SBNO2: variants seen among roughly 807,000 people sequenced by gnomAD.
The protein encoded by SBNO2 is protein strawberry notch homolog 2.
A neutral mutation model predicts 146.3 loss-of-function variants in SBNO2; 89 were observed. The observed-to-expected ratio is 0.61, with a 90% CI of 0.51 to 0.73. The LOEUF (loss-of-function observed/expected upper bound fraction) is 0.73. Among genes scored for constraint, SBNO2 ranks in the 30% least tolerant of loss-of-function variants. SBNO2 has a pLI of 0.00. For missense variants in SBNO2, 2,092 were observed against 2,003.7 expected, an observed-to-expected ratio of 1.04 and a Z score of -0.84; for synonymous variants, 1,147 against 892.6, an observed-to-expected ratio of 1.29 and a Z score of -5.08.
At chr19:1,123,364 C>T (rs933449787) in intron 7 of SBNO2, among the ~76,000 whole-genome samples, 170 bp downstream of exon 7, 2 of 152,144 alleles carry the variant, frequency 1.3e-5, no homozygotes, top group African/African-American at 2.4e-5. Flanking sequence ...CCTCTGCGAA[C>T]CCCGGTTTTG....
Position 1,108,656 on chromosome 19 carries a change from C to A in SBNO2, c.3665G>T (p.Arg1222Leu), listed in dbSNP as rs1247021415. ...GCGCTTCACGTCCGCATCCATCAGCCGCAGCTCCTGCAGCACCCGGCGCAC... is the reference window on the plus strand; with the variant it reads ...GCGCTTCACGTCCGCATCCATCAGCAGCAGCTCCTGCAGCACCCGGCGCAC... ...GCVRRVLQELRLMDADVKRRQ... is the reference protein window; with the variant it reads ...GCVRRVLQELLLMDADVKRRQ... Residue 1222 changes from arginine to leucine, a missense_variant, in exon 32 of 32, where the codon CGG (arginine) becomes CTG (leucine). Arg to Leu is a moderately radical substitution (Grantham distance 102). Coordinates refer to ENST00000361757, the MANE Select transcript of SBNO2 (RefSeq NM_014963.3). The A allele has an allele frequency of 1.3e-6, 2 of 1,519,736 alleles. No individual in the cohort carries two copies. Among genetic ancestry groups the A allele is most frequent in the Non-Finnish European group, 1.8e-6 (2 of 1,141,426 alleles). 94.1% of individuals were successfully genotyped at this position (1,519,736 alleles called of 1,614,324 possible).
At position 1,108,142 on chromosome 19, in the gene SBNO2, C is replaced by T. The variant is rs2079694422; in HGVS notation, c.*78G>A. ...CTCCTCTGAGCAGTGGTCAGGGGACCTTGGCCCTGCTCCCCACCGCTGCTC... is the reference window on the plus strand; with the variant it reads ...CTCCTCTGAGCAGTGGTCAGGGGACTTTGGCCCTGCTCCCCACCGCTGCTC... On this transcript the variant is annotated 3_prime_UTR_variant, in exon 32 of 32. Coordinates refer to ENST00000361757, the MANE Select transcript of SBNO2 (RefSeq NM_014963.3). 19 of 1,404,450 alleles carry T rather than the reference C, an allele frequency of 1.4e-5. No homozygotes were observed. Among genetic ancestry groups the T allele is most frequent in the Non-Finnish European group, 1.7e-5 (18 of 1,062,518 alleles). 87.0% of individuals were successfully genotyped at this position (1,404,450 alleles called of 1,614,324 possible). A position where few individuals can be genotyped will look rare whatever the true frequency, so the allele number is the denominator to read the frequency against.
At chr19:1,171,948 G>A (rs1286769677) in intron 1 of SBNO2, among the ~76,000 whole-genome samples, 1 of 152,258 alleles carries the variant, frequency 6.6e-6, no homozygotes, top group South Asian at 2.1e-4. Context: ...ATGGATGAAC[G>A]GAGAGGCCAG....
At chr19:1,116,729 C>G in intron 16 of SBNO2, 100 bp downstream of exon 16, 1 of 1,053,700 alleles carries the variant, frequency 9.5e-7, no homozygotes, top group Non-Finnish European at 1.4e-6. Context: ...GCACCTCCTG[C>G]TGCTGGGGCC....
At chr19:1,118,989 C>A in intron 14 of SBNO2, 22 bp downstream of exon 14, 2 of 1,565,750 alleles carry the variant, frequency 1.3e-6, no homozygotes, top group East Asian at 4.6e-5. Flanking sequence ...CAGGGGTCCC[C>A]GGGTCGGGTG....
At chr19:1,142,966 A>AG (rs1469964806) in intron 4 of SBNO2, among the ~76,000 whole-genome samples, 1 of 152,138 alleles carries the variant, frequency 6.6e-6, no homozygotes, top group Non-Finnish European at 1.5e-5. Flanking sequence ...GTCGGTCTCC[A>AG]GAAAAAAAAG....
Position 1,165,172 on chromosome 19 carries a change from C to T in SBNO2, c.-127+9000G>A, listed in dbSNP as rs1418816024. Among the ~76,000 whole-genome samples the T allele has an allele frequency of 1.3e-5, 2 of 152,142 alleles. 1 individual carries two copies. Among genetic ancestry groups the T allele is most frequent in the Admixed American group, 1.3e-4 (2 of 15,284 alleles). On this transcript the variant is annotated intron_variant, in intron 1 of 31. Transcript: ENST00000361757. Reference sequence around the variant, plus strand: ...GGAGGACCCGGAGTTGAGCGTGGCCCTGCCTGACATCTGACCCCGCCGTCA... The same window carrying T: ...GGAGGACCCGGAGTTGAGCGTGGCCTTGCCTGACATCTGACCCCGCCGTCA...
intron 4 of SBNO2, among the ~76,000 whole-genome samples, chr19:1,133,316 G>C (rs992114800): frequency 2.0e-5 from 3 of 152,164 alleles, no homozygotes; most frequent in African/African-American, 7.2e-5. Context: ...GGGAAAGAAG[G>C]AAACCGCCCC....
At chr19:1,142,382 G>A (rs930671132) in intron 4 of SBNO2, among the ~76,000 whole-genome samples, 18 of 151,410 alleles carry the variant, frequency 1.2e-4, no homozygotes, top group African/African-American at 3.6e-4. Flanking sequence ...CCGGGTCCAC[G>A]GCTCATCTGC....
Position 1,114,253 on chromosome 19 carries a change from G to A in SBNO2, c.2055C>T (p.Val685=), listed in dbSNP as rs867220286. 3.3e-6 allele frequency: 5 copies of A among 1,533,472 alleles called. No individual in the cohort carries two copies. The highest frequency in any genetic ancestry group is 2.5e-5 in the East Asian group (1 of 39,528). The allele number at this position is 1,533,472 out of a possible 1,614,324, so 95.0% of individuals were successfully genotyped here. A position where few individuals can be genotyped will look rare whatever the true frequency, so the allele number is the denominator to read the frequency against. Residue 685 remains valine (V), a synonymous_variant, in exon 18 of 32, where the codon GTC becomes GTT. Coordinates refer to ENST00000361757, the MANE Select transcript of SBNO2 (RefSeq NM_014963.3). ...VDDDVVIVDA[V]GLPSDDRGPL... ...CACCCCGGTCGTCACTGGGGAGCCC[G>A]ACTGCATCAACGATGACAACGTCGT...
At chr19:1,170,720 A>T (rs1023163808) in intron 1 of SBNO2, among the ~76,000 whole-genome samples, 6 of 152,128 alleles carry the variant, frequency 3.9e-5, no homozygotes, top group Non-Finnish European at 8.8e-5. Flanking sequence ...GCATGAGAAC[A>T]CGCAGCACGC....
rs1027471673 is a variant in SBNO2, at chr19:1,150,515, C to T, written c.94-1073G>A. On this transcript the variant is annotated intron_variant, in intron 2 of 31. Transcript: ENST00000361757. This position sits in a 1 kb window ranked among gnomAD's most constrained non-coding sequence, Gnocchi z 6.2. ...GGTCACGGGGGAGACCCTGCCGTCA[C>T]GGACGCCCCCACGGTCACGGGGGAG... Among the ~76,000 whole-genome samples, 2 of 151,828 alleles carry T rather than the reference C, an allele frequency of 1.3e-5. No homozygotes were observed. The highest frequency in any genetic ancestry group is 2.9e-5 in the Non-Finnish European group (2 of 67,904).
At chr19:1,119,488 C>T (rs1225470461) in intron 13 of SBNO2, 28 bp downstream of exon 13, 1 of 1,502,412 alleles carries the variant, frequency 6.7e-7, no homozygotes, top group Non-Finnish European at 9.1e-7. Flanking sequence ...CCCCGCCGCC[C>T]CTCCACGTGG....
intron 3 of SBNO2, 32 bp downstream of exon 3, chr19:1,149,337 G>A (rs1272590480): frequency 4.6e-6 from 7 of 1,538,144 alleles, no homozygotes; most frequent in Non-Finnish European, 5.3e-6. Context: ...GAGCAAGCCT[G>A]GGGGCCAGGC....
At chr19:1,139,348 T>G in intron 4 of SBNO2, among the ~76,000 whole-genome samples, 1 of 150,060 alleles carries the variant, frequency 6.7e-6, no homozygotes, top group South Asian at 2.1e-4. Context: ...GGATGGGGAG[T>G]GACAGCTGAC....
intron 6 of SBNO2, 33 bp from the exon 7 acceptor site, chr19:1,123,672 C>A (rs1414713127): frequency 3.2e-6 from 5 of 1,580,594 alleles, no homozygotes; most frequent in African/African-American, 2.7e-5. Context: ...GCGGAGACTG[C>A]AGGCCTGAGC....
intron 4 of SBNO2, chr19:1,132,230 CGGGGCGGACG>C: frequency 7.7e-7 from 1 of 1,305,676 alleles, no homozygotes; most frequent in Non-Finnish European, 9.8e-7. Flanking sequence ...TTGGGTCGGC[CGGGGCGGACG>C]GGGGCGGCTC....
In SBNO2 at chr19:1,109,213, T is replaced by C. The variant is rs2079719826; in HGVS notation, c.3349-2A>G. On this transcript the variant is annotated splice_acceptor_variant, in intron 29 of 31. Coordinates refer to ENST00000361757, the MANE Select transcript of SBNO2 (RefSeq NM_014963.3). LOFTEE classifies it high-confidence loss of function. This position sits in a 1 kb window ranked among gnomAD's most constrained non-coding sequence, Gnocchi z 4.2. Reference sequence around the variant, plus strand: ...CTCCTTGGCCTCCTCCGCGGTGACCTAGGGACACAGGGCCGCATGAGCCTG... The same window carrying C: ...CTCCTTGGCCTCCTCCGCGGTGACCCAGGGACACAGGGCCGCATGAGCCTG... 1.3e-6 allele frequency: 2 copies of C among 1,569,066 alleles called. No homozygotes were observed. The highest frequency in any genetic ancestry group is 8.6e-7 in the Non-Finnish European group (1 of 1,158,166).
chr19:1,162,972 G>A (rs994179572), intron 1 of SBNO2, among the ~76,000 whole-genome samples: 1 of 152,110 alleles, frequency 6.6e-6, no homozygotes, highest in African/African-American at 2.4e-5. Flanking sequence ...CCTGTGCTGG[G>A]GACGTATGGG....
Sources: gnomAD v4.1 joint callset for allele counts (sites outside exome capture counted in the v4.1 genomes callset) on GRCh38, gnomAD v4.1.1 for gene constraint, Gnocchi (gnomAD v3.1) non-coding constraint, MANE v1.5 for transcripts, NCBI Gene and HGNC (gene_info 2026-07-23, HGNC 2026-07-21) for gene names.